SOX6: variants seen among roughly 807,000 people sequenced by gnomAD.
SOX6 encodes the protein SRY-box transcription factor 6.
A neutral mutation model predicts 97.8 loss-of-function variants in SOX6; 11 were observed. That is an observed-to-expected ratio of 0.11 (90% CI 0.07 to 0.19). The LOEUF (loss-of-function observed/expected upper bound fraction) is 0.19, where lower values mean the gene tolerates loss of function less well. SOX6 is among the 10% of genes least tolerant of loss of function. The pLI, the probability that SOX6 is intolerant of heterozygous loss-of-function variation, is 1.00. For synonymous variants in SOX6, 360 were observed against 371.4 expected, an observed-to-expected ratio of 0.97 and a Z score of 0.35; for missense variants, 810 against 1,039.5, an observed-to-expected ratio of 0.78 and a Z score of 3.04.
At chr11:16,628,761 A>T (rs1275189749) in intron 3 of SOX6, among the ~76,000 whole-genome samples, 3 of 152,092 alleles carry the variant, frequency 2.0e-5, no homozygotes, top group African/African-American at 7.2e-5. Flanking sequence ...ATGAGCATGA[A>T]ATGTTTTTCC....
intron 4 of SOX6, among the ~76,000 whole-genome samples, chr11:16,233,681 C>T (rs1186420944): frequency 6.6e-6 from 1 of 152,066 alleles, no homozygotes; most frequent in African/African-American, 2.4e-5. Flanking sequence ...GAAGGAAATA[C>T]TTGTATTATC....
intron 3 of SOX6, among the ~76,000 whole-genome samples, chr11:16,671,207 A>G (rs1195282161): frequency 1.3e-5 from 2 of 152,254 alleles, no homozygotes; most frequent in Non-Finnish European, 2.9e-5. Flanking sequence ...AAGAACCAAG[A>G]CAATAATTCT....
intron 1 of SOX6, among the ~76,000 whole-genome samples, chr11:16,465,440 C>CTA (rs1038379096): frequency 9.2e-5 from 14 of 151,764 alleles, no homozygotes; most frequent in Admixed American, 1.3e-4. Context: ...AATGATTCTA[C>CTA]TATATATATA....
At chr11:16,180,867 G>A (rs935271926) in intron 6 of SOX6, among the ~76,000 whole-genome samples, 11 of 151,710 alleles carry the variant, frequency 7.3e-5, no homozygotes, top group Non-Finnish European at 1.3e-4. Flanking sequence ...GCACATATAA[G>A]TTCTGAATAA....
chr11:16,734,983 C>A (rs571157588), intron 2 of SOX6, among the ~76,000 whole-genome samples: 2 of 152,250 alleles, frequency 1.3e-5, no homozygotes, highest in South Asian at 4.1e-4. Context: ...ACCTCAAGAA[C>A]TGAATTCTTA....
chr11:16,107,626 G>T (rs1165115948), intron 7 of SOX6, among the ~76,000 whole-genome samples: 2 of 151,608 alleles, frequency 1.3e-5, no homozygotes, highest in Admixed American at 6.6e-5. Flanking sequence ...GGTTACCAGA[G>T]ACTAAGGGTA....
chr11:16,404,784 T>C (rs1393265447), intron 1 of SOX6, among the ~76,000 whole-genome samples: 1 of 152,050 alleles, frequency 6.6e-6, no homozygotes, highest in Non-Finnish European at 1.5e-5. Context: ...AATCCCGTTA[T>C]TTTAAATCTG....
chr11:16,457,810 C>G (rs1859841492), intron 1 of SOX6, among the ~76,000 whole-genome samples: 1 of 152,012 alleles, frequency 6.6e-6, no homozygotes, highest in Admixed American at 6.6e-5. Context: ...TGTTTAAAAG[C>G]CCTTACAGCA....
intron 3 of SOX6, among the ~76,000 whole-genome samples, chr11:16,620,296 T>C (rs1049469383): frequency 1.6e-4 from 24 of 152,222 alleles, no homozygotes; most frequent in Non-Finnish European, 4.4e-5. Flanking sequence ...AGAATAACAT[T>C]TTATCCATTA....
intron 2 of SOX6, among the ~76,000 whole-genome samples, chr11:16,328,105 C>T (rs1433679947): frequency 1.3e-5 from 2 of 152,060 alleles, no homozygotes; most frequent in Admixed American, 6.6e-5. Context: ...TTGAGATATC[C>T]AATCATAGAT....
At chr11:16,168,574 T>A (rs921993184) in intron 6 of SOX6, among the ~76,000 whole-genome samples, 8 of 152,150 alleles carry the variant, frequency 5.3e-5, no homozygotes, top group Admixed American at 2.6e-4. Flanking sequence ...TGGAAACCAC[T>A]ATATTTCTGG....
intron 1 of SOX6, chr11:16,434,045 T>A (rs2133078853): frequency 6.6e-6 from 1 of 152,196 alleles, no homozygotes; most frequent in South Asian, 2.1e-4. Flanking sequence ...ATTTAATGCT[T>A]TCCATTTACC....
At chr11:16,042,436 C>T (rs376016764) in intron 12 of SOX6, among the ~76,000 whole-genome samples, 28 of 152,228 alleles carry the variant, frequency 1.8e-4, no homozygotes, top group East Asian at 1.4e-3. Flanking sequence ...TTTTCTGCTT[C>T]GCTGTTTTTA....
intron 4 of SOX6, among the ~76,000 whole-genome samples, chr11:16,593,817 T>C (rs569916699): frequency 6.6e-6 from 1 of 152,146 alleles, no homozygotes; most frequent in Admixed American, 6.5e-5. Context: ...AAATTGTAAA[T>C]GGTAGAACAA....
chr11:16,105,107 C>T (rs1849046118), intron 7 of SOX6, among the ~76,000 whole-genome samples: 1 of 151,950 alleles, frequency 6.6e-6, no homozygotes, highest in South Asian at 2.1e-4. Flanking sequence ...AAGCTACAGT[C>T]CACTATCCCA....
intron 4 of SOX6, among the ~76,000 whole-genome samples, chr11:16,502,393 A>G (rs532869609): frequency 1.3e-5 from 2 of 152,254 alleles, no homozygotes; most frequent in South Asian, 4.1e-4. Flanking sequence ...GCACACCAAC[A>G]TGACACATGT....
At chr11:16,602,416 T>C (rs1293560456) in intron 4 of SOX6, among the ~76,000 whole-genome samples, 1 of 152,212 alleles carries the variant, frequency 6.6e-6, no homozygotes, top group African/African-American at 2.4e-5. Context: ...ACACTTGCTT[T>C]CAAAGTTTGA....
chr11:16,404,939 G>T (rs1858653994), intron 1 of SOX6, among the ~76,000 whole-genome samples: 1 of 151,926 alleles, frequency 6.6e-6, no homozygotes, highest in African/African-American at 2.4e-5. Context: ...TCCAATCACA[G>T]CTTTGTGCGT....
chr11:16,375,515 A>G (rs1364400861), intron 1 of SOX6, among the ~76,000 whole-genome samples: 1 of 151,830 alleles, frequency 6.6e-6, no homozygotes, highest in Non-Finnish European at 1.5e-5. Context: ...AAAAAAAAAA[A>G]GAGAAGAAAT....
Sources: allele counts gnomAD v4.1 joint callset (sites outside exome capture counted in the v4.1 genomes callset), GRCh38; gene constraint gnomAD v4.1.1; transcripts MANE v1.5; gene names NCBI Gene and HGNC (gene_info 2026-07-23, HGNC 2026-07-21).